The following ADCY2 variants were observed in gnomAD, a reference collection of about 807,000 sequenced individuals.
ADCY2 encodes adenylate cyclase 2.
Under a neutral mutation model 125.2 loss-of-function variants are expected in ADCY2, and 31 were observed. The ratio of observed to expected loss-of-function variants is 0.25; its 90% CI spans 0.19 to 0.33. ADCY2 has a LOEUF of 0.33. Among genes scored for constraint, ADCY2 ranks in the 10% least tolerant of loss-of-function variants. The pLI, the probability that ADCY2 is intolerant of heterozygous loss-of-function variation, is 1.00. For missense variants in ADCY2, 904 were observed against 1,418.2 expected (o/e 0.64, Z 5.82); for synonymous variants, 512 against 548.4 (o/e 0.93, Z 0.93).
intron 3 of ADCY2, among the ~76,000 whole-genome samples, chr5:7,592,828 G>A (rs370058917): frequency 1.3e-5 from 2 of 152,108 alleles, no homozygotes; most frequent in Non-Finnish European, 1.5e-5. Context: ...TCCTTTAACT[G>A]TGTAGAACAT....
chr5:7,479,943 T>C (rs2126470796), intron 2 of ADCY2, among the ~76,000 whole-genome samples: 1 of 152,160 alleles, frequency 6.6e-6, no homozygotes, highest in Middle Eastern at 3.4e-3. Flanking sequence ...CCATTAAAAA[T>C]TGGGAAAAGG....
intron 1 of ADCY2, 101 bp from the exon 2 acceptor site, chr5:7,414,472 T>G (rs1454867243): frequency 9.9e-7 from 1 of 1,008,042 alleles, no homozygotes; most frequent in Non-Finnish European, 1.4e-6. Flanking sequence ...CCCAATATAT[T>G]CTGACATTGA....
chr5:7,399,312 A>G (rs1011091952), intron 1 of ADCY2, among the ~76,000 whole-genome samples: 1 of 152,212 alleles, frequency 6.6e-6, no homozygotes, highest in Admixed American at 6.5e-5. Flanking sequence ...TCTTAGCATA[A>G]TGCAAGTACA....
At chr5:7,654,265 G>A in intron 4 of ADCY2, 3 of 415,444 alleles carry the variant, frequency 7.2e-6, no homozygotes, top group South Asian at 5.3e-5. Flanking sequence ...GCAATGGCCT[G>A]TGTCCTAACA....
rs930269196 is a variant in ADCY2 at position 7,411,330 on chromosome 5, TCTC to T, written c.211-3236_211-3234del. 1.6e-4 allele frequency among the ~76,000 whole-genome samples: 25 copies of T among 152,216 alleles called. No homozygotes were observed. The South Asian group carries it at 4.2e-3, about 25-fold the overall frequency. On this transcript the variant is annotated intron_variant, in intron 1 of 24. Transcript: ENST00000338316. ...TGGGGGTGTGTGGTCTGAGGATGACTCTCCTCCTCTGCTATGCAGAACCCACCT... is the reference window on the plus strand; with the variant it reads ...TGGGGGTGTGTGGTCTGAGGATGACTCTCCTCTGCTATGCAGAACCCACCT...
rs73051874 is a variant in ADCY2, at chr5:7,664,774, C to T, written c.721-25917C>T. Among the ~76,000 whole-genome samples, 99 of 152,228 alleles carry T rather than the reference C, an allele frequency of 6.5e-4. 1 individual carries two copies. The highest frequency in any genetic ancestry group is 6.8e-3 in the Middle Eastern group (2 of 294). ...GAAATCATCAACTAAGAGACAGGCACCCTTTTAGGTCTAATAAGAAACATT... is the reference window on the plus strand; with the variant it reads ...GAAATCATCAACTAAGAGACAGGCATCCTTTTAGGTCTAATAAGAAACATT... On this transcript the variant is annotated intron_variant, in intron 4 of 24. Coordinates refer to ENST00000338316, the MANE Select transcript of ADCY2 (RefSeq NM_020546.3).
chr5:7,472,960 G>C (rs1742393217), intron 2 of ADCY2, among the ~76,000 whole-genome samples: 1 of 151,852 alleles, frequency 6.6e-6, no homozygotes, highest in Admixed American at 6.6e-5. Context: ...TTGTTACTCA[G>C]ACTTGCAAGC....
chr5:7,791,180 A>G (rs762284598), intron 20 of ADCY2, among the ~76,000 whole-genome samples: 2 of 152,024 alleles, frequency 1.3e-5, no homozygotes, highest in Non-Finnish European at 2.9e-5. Context: ...AACAAAAAGC[A>G]GGTAGTTTCT....
At chr5:7,767,888 G>A (rs148300034) in intron 17 of ADCY2, among the ~76,000 whole-genome samples, 2,158 of 152,220 alleles carry the variant, frequency 0.014, 23 homozygotes, top group Non-Finnish European at 0.022. Flanking sequence ...AAAATTAGCC[G>A]GATGTGGTGG....
intron 2 of ADCY2, among the ~76,000 whole-genome samples, chr5:7,455,677 C>A (rs1290233174): frequency 6.9e-6 from 1 of 144,958 alleles, no homozygotes; most frequent in Non-Finnish European, 1.5e-5. Flanking sequence ...AATTATAATA[C>A]ATACATTTTG....
Position 7,766,781 on chromosome 5 carries a change from G to C in ADCY2, c.2189G>C (p.Arg730Pro). 6.2e-7 allele frequency: 1 copy of C among 1,609,924 alleles called. No individual in the cohort carries two copies. Among genetic ancestry groups the C allele is most frequent in the Non-Finnish European group, 8.5e-7 (1 of 1,179,072 alleles). The change falls in exon 17 of 25, where the codon CGT becomes CCT. Residue 730 changes from arginine to proline, a missense_variant. Coordinates refer to ENST00000338316, the MANE Select transcript of ADCY2 (RefSeq NM_020546.3). ...TCAAATAATCAGGTGGCGATTCTGC[G>C]TGCGCAGAATTTATTTTTCCTCCCG... ...SASNNQVAILRAQNLFFLPYF... is the reference protein window; with the variant it reads ...SASNNQVAILPAQNLFFLPYF...
chr5:7,826,085 G>T (rs1232559940), intron 24 of ADCY2, among the ~76,000 whole-genome samples: 1 of 152,190 alleles, frequency 6.6e-6, no homozygotes, highest in Non-Finnish European at 1.5e-5. Context: ...TTGACTGGGA[G>T]CATCATGCTC....
intron 12 of ADCY2, among the ~76,000 whole-genome samples, chr5:7,721,798 T>C (rs927880229): frequency 5.1e-4 from 77 of 152,278 alleles, no homozygotes; most frequent in African/African-American, 1.7e-3. Flanking sequence ...GTTACTGTAG[T>C]CTTGTAGTAT....
intron 3 of ADCY2, among the ~76,000 whole-genome samples, chr5:7,559,603 C>A (rs1029889751): frequency 1.3e-5 from 2 of 152,124 alleles, no homozygotes; most frequent in Admixed American, 6.5e-5. Context: ...CCTAGATATA[C>A]GATCATGTTG....
chr5:7,814,454 C>T (rs910182164), intron 22 of ADCY2, among the ~76,000 whole-genome samples: 4 of 151,870 alleles, frequency 2.6e-5, no homozygotes, highest in South Asian at 2.1e-4. Flanking sequence ...GTGTTAAACA[C>T]GCTGTGATGT....
intron 2 of ADCY2, among the ~76,000 whole-genome samples, chr5:7,415,928 G>C (rs993234528): frequency 6.6e-6 from 1 of 152,082 alleles, no homozygotes; most frequent in African/African-American, 2.4e-5. Context: ...TAGCTGAGAG[G>C]GCTGTCGCAG....
chr5:7,756,826 T>G (rs1488662014), intron 15 of ADCY2, among the ~76,000 whole-genome samples: 3 of 152,208 alleles, frequency 2.0e-5, no homozygotes, highest in African/African-American at 7.2e-5. Flanking sequence ...CATTTTATAT[T>G]ATGTGTTTCT....
chr5:7,431,298 A>G (rs1014820922), intron 2 of ADCY2, among the ~76,000 whole-genome samples: 2 of 152,218 alleles, frequency 1.3e-5, no homozygotes, highest in Non-Finnish European at 2.9e-5. Context: ...TGGGAAAAGT[A>G]TAAGCTTATC....
intron 15 of ADCY2, 126 bp downstream of exon 15, chr5:7,743,878 T>A (rs1359963045): frequency 1.2e-6 from 1 of 832,038 alleles, no homozygotes; most frequent in Non-Finnish European, 1.9e-6. Context: ...AGATCCCAGT[T>A]AAGGAAACAC....
Sources: gnomAD v4.1 joint callset for allele counts (sites outside exome capture counted in the v4.1 genomes callset) on GRCh38, gnomAD v4.1.1 for gene constraint, MANE v1.5 for transcripts, NCBI Gene and HGNC (gene_info 2026-07-23, HGNC 2026-07-21) for gene names.